The following ARHGEF3 variants were observed in gnomAD, a reference collection of about 807,000 sequenced individuals.
ARHGEF3 encodes the protein Rho guanine nucleotide exchange factor 3.
Under a neutral mutation model 63.2 loss-of-function variants are expected in ARHGEF3, and 28 were observed. That is an observed-to-expected ratio of 0.44 (90% CI 0.33 to 0.61). The LOEUF (loss-of-function observed/expected upper bound fraction) is 0.61, where lower values mean the gene tolerates loss of function less well. Ranked by LOEUF, ARHGEF3 falls within the 20% of genes least tolerant of loss-of-function variation. The probability of loss-of-function intolerance (pLI) is 0.03; values close to 1 mark genes in which losing one functional copy is unlikely to be tolerated. For synonymous variants in ARHGEF3, 266 were observed against 254.2 expected, an observed-to-expected ratio of 1.05 and a Z score of -0.44; for missense variants, 533 against 659.3, an observed-to-expected ratio of 0.81 and a Z score of 2.10.
intron 2 of ARHGEF3, among the ~76,000 whole-genome samples, chr3:56,762,482 G>A (rs979027413): frequency 2.0e-5 from 3 of 152,138 alleles, no homozygotes; most frequent in South Asian, 4.1e-4. Context: ...ACTGTCTGCC[G>A]GGGGTTGGGG....
intron 1 of ARHGEF3, among the ~76,000 whole-genome samples, chr3:57,061,106 T>A (rs1029949469): frequency 6.6e-6 from 1 of 152,160 alleles, no homozygotes; most frequent in African/African-American, 2.4e-5. Context: ...AAACAGAAAC[T>A]GTGTACCCAT....
At chr3:56,980,120 C>T (rs1701270152) in intron 2 of ARHGEF3, among the ~76,000 whole-genome samples, 1 of 152,108 alleles carries the variant, frequency 6.6e-6, no homozygotes, top group Admixed American at 6.5e-5. Context: ...CACTTAATAC[C>T]CTTAACCTAC....
At chr3:57,026,283 C>T (rs181535017) in intron 2 of ARHGEF3, among the ~76,000 whole-genome samples, 182 of 152,156 alleles carry the variant, frequency 1.2e-3, no homozygotes, top group Admixed American at 2.5e-3. Flanking sequence ...AGCCTGTAGT[C>T]CCAGCTACTC....
At chr3:56,880,058 T>C (rs2040714597) in intron 4 of ARHGEF3, among the ~76,000 whole-genome samples, 1 of 152,238 alleles carries the variant, frequency 6.6e-6, no homozygotes, top group South Asian at 2.1e-4. Context: ...GAACAGCAGT[T>C]TTCATGTTCC....
chr3:57,052,011 T>C (rs1400203381), intron 1 of ARHGEF3, among the ~76,000 whole-genome samples: 1 of 151,908 alleles, frequency 6.6e-6, no homozygotes, highest in Admixed American at 6.6e-5. Context: ...CACCATCTAC[T>C]GAGTATCAAC....
intron 7 of ARHGEF3, 56 bp downstream of exon 7, chr3:56,745,149 A>G (rs1169474296): frequency 6.4e-7 from 1 of 1,571,376 alleles, no homozygotes; most frequent in Admixed American, 1.8e-5. Flanking sequence ...GACCCAATCC[A>G]CCAGCCATTA....
Position 56,751,137 on chromosome 3 carries a change from C to CA in ARHGEF3, c.536-6dup. 6.2e-7 allele frequency: 1 copy of CA among 1,613,738 alleles called. No individual in the cohort carries two copies. The highest frequency in any genetic ancestry group is 8.5e-7 in the Non-Finnish European group (1 of 1,179,842). On this transcript the variant is annotated splice_polypyrimidine_tract_variant and splice_region_variant and intron_variant, in intron 5 of 9. Transcript: ENST00000296315. ...CTCGAAGCTGACTAAGGAGCTCTGGCAAAAAACAAACAGATGCTTATTTGT... is the reference window on the plus strand; with the variant it reads ...CTCGAAGCTGACTAAGGAGCTCTGGCAAAAAAACAAACAGATGCTTATTTGT...
Position 56,749,020 on chromosome 3 carries a change from G to A in ARHGEF3, c.612+2036C>T, listed in dbSNP as rs78512184. ...TCCACTAAGATGTTTATTTTGTTCTGTTAAAAATACAAGAACTCAAACATA... is the reference window on the plus strand; with the variant it reads ...TCCACTAAGATGTTTATTTTGTTCTATTAAAAATACAAGAACTCAAACATA... On this transcript the variant is annotated intron_variant, in intron 6 of 9. Coordinates refer to ENST00000296315, the MANE Select transcript of ARHGEF3 (RefSeq NM_019555.3). Among the ~76,000 whole-genome samples the A allele has an allele frequency of 4.3e-3, 615 of 143,226 alleles. 2 individuals are homozygous for A. Among genetic ancestry groups the A allele is most frequent in the African/African-American group, 0.015 (581 of 38,738 alleles). The allele number at this position is 143,226 out of a possible 152,430, so 94.0% of individuals were successfully genotyped here. A position where few individuals can be genotyped will look rare whatever the true frequency, so the allele number is the denominator to read the frequency against.
chr3:56,797,997 G>A (rs532992635), intron 1 of ARHGEF3, among the ~76,000 whole-genome samples: 1 of 152,136 alleles, frequency 6.6e-6, no homozygotes, highest in Non-Finnish European at 1.5e-5. Context: ...TCTGCAAATC[G>A]CTTCCCCTCA....
At chr3:56,763,913 T>G (rs1280089218) in intron 2 of ARHGEF3, among the ~76,000 whole-genome samples, 1 of 152,084 alleles carries the variant, frequency 6.6e-6, no homozygotes, top group Non-Finnish European at 1.5e-5. Context: ...ACATTTATTT[T>G]CCAGACTTTC....
intron 2 of ARHGEF3, among the ~76,000 whole-genome samples, chr3:57,008,732 A>G (rs1702567797): frequency 6.6e-6 from 1 of 152,076 alleles, no homozygotes; most frequent in South Asian, 2.1e-4. Flanking sequence ...TCAGCCTCCC[A>G]AAGTGCTGGG....
At chr3:56,811,290 T>A (rs28738873) in intron 4 of ARHGEF3, among the ~76,000 whole-genome samples, 3,044 of 144,536 alleles carry the variant, frequency 0.021, 104 homozygotes, top group African/African-American at 0.073. Context: ...TTTACGTTTT[T>A]AAAAAATTAG....
chr3:56,864,196 T>C (rs1372954455), intron 4 of ARHGEF3, among the ~76,000 whole-genome samples: 1 of 152,190 alleles, frequency 6.6e-6, no homozygotes. Context: ...ATACTGTTCT[T>C]AGTATAAAGA....
At chr3:56,922,298 A>G (rs1050603186) in intron 3 of ARHGEF3, among the ~76,000 whole-genome samples, 1 of 152,066 alleles carries the variant, frequency 6.6e-6, no homozygotes, top group African/African-American at 2.4e-5. Context: ...CCTTCCTTAC[A>G]CTGTCAGTTA....
intron 2 of ARHGEF3, among the ~76,000 whole-genome samples, chr3:56,767,034 G>A (rs2035740275): frequency 1.3e-5 from 2 of 152,100 alleles, no homozygotes; most frequent in Admixed American, 1.3e-4. Context: ...CTGTGGCGAG[G>A]TGTGGTAGCT....
chr3:56,828,350 A>G (rs1456603476), intron 4 of ARHGEF3, among the ~76,000 whole-genome samples: 1 of 152,120 alleles, frequency 6.6e-6, no homozygotes, highest in Non-Finnish European at 1.5e-5. Context: ...CCTGGCCAAC[A>G]TGGTGAAACC....
chr3:57,039,113 A>G (rs1013682923), intron 1 of ARHGEF3, among the ~76,000 whole-genome samples: 4 of 152,168 alleles, frequency 2.6e-5, no homozygotes, highest in Admixed American at 2.6e-4. Context: ...ACCTGCATGG[A>G]AGAGGAATTC....
chr3:57,017,032 T>TCTCTCTCACACACA (rs1221332567), intron 2 of ARHGEF3, among the ~76,000 whole-genome samples: 18 of 104,390 alleles, frequency 1.7e-4, no homozygotes, highest in African/African-American at 6.0e-4. Flanking sequence ...TCTCTCTCTC[T>TCTCTCTCACACACA]CACACACACA....
At chr3:56,779,830 T>C (rs994415663) in intron 1 of ARHGEF3, among the ~76,000 whole-genome samples, 8 of 152,256 alleles carry the variant, frequency 5.3e-5, no homozygotes, top group African/African-American at 1.9e-4. Context: ...TCACTAATCT[T>C]GTCTTAAGCA....
Sources: gnomAD v4.1 joint callset for allele counts (sites outside exome capture counted in the v4.1 genomes callset) on GRCh38, gnomAD v4.1.1 for gene constraint, MANE v1.5 for transcripts, NCBI Gene and HGNC (gene_info 2026-07-23, HGNC 2026-07-21) for gene names.